FPGT: variants seen among roughly 807,000 people sequenced by gnomAD.
FPGT encodes the protein fucose-1-phosphate guanylyltransferase, also known as GDP-L-fucose diphosphorylase.
FPGT carries 41 observed loss-of-function variants against 45.8 expected under a neutral mutation model. That is an observed-to-expected ratio of 0.90 (90% confidence interval 0.70 to 1.16). The LOEUF (loss-of-function observed/expected upper bound fraction) is 1.16. FPGT is among the 50% of genes most tolerant of loss of function. FPGT has a pLI of 0.00. For missense variants in FPGT, 755 were observed against 689.1 expected, an observed-to-expected ratio of 1.10 and a Z score of -1.07; for synonymous variants, 292 against 247.2, an observed-to-expected ratio of 1.18 and a Z score of -1.70.
At chr1:74,201,109 G>T (rs1203542258) in intron 2 of FPGT, among the ~76,000 whole-genome samples, 1 of 152,116 alleles carries the variant, frequency 6.6e-6, no homozygotes, top group Non-Finnish European at 1.5e-5. Context: ...GAGGGTTGTT[G>T]TCTGGGTTTC....
At chr1:74,203,574 G>T (rs813192) in intron 3 of FPGT, among the ~76,000 whole-genome samples, 62,449 of 151,314 alleles carry the variant, frequency 0.41, 14,274 homozygotes, top group East Asian at 0.73. Flanking sequence ...TGTATTTTTA[G>T]TAGAGATGGG....
Position 74,205,491 on chromosome 1 carries a change from A to C in FPGT, c.1444A>C (p.Lys482Gln). ...GCAAGACAACTTGAAAAAGAGTGTG[A>C]AAACATTGTCAGATATAAAGTTACT... is the stretch of plus-strand genomic sequence containing the variant. ...GVQDNLKKSV[K>Q]TLSDIKLLQF... The change falls in exon 4 of 4, where the codon AAA becomes CAA. Residue 482 changes from lysine to glutamine, a missense_variant. Coordinates refer to ENST00000370898, the MANE Select transcript of FPGT (RefSeq NM_003838.5). 6.2e-7 allele frequency: 1 copy of C among 1,613,410 alleles called. No individual in the cohort carries two copies. Among genetic ancestry groups the C allele is most frequent in the Non-Finnish European group, 8.5e-7 (1 of 1,179,314 alleles).
Position 74,208,136 on chromosome 1 carries a change from A to T in FPGT, c.*2304A>T, listed in dbSNP as rs1162576162. ...GCTATTATACTATCATTTGTAAGGC[A>T]CATTCTGTTTTCTGGGGTGTCGAAA... On this transcript the variant is annotated 3_prime_UTR_variant, in exon 4 of 4. Coordinates refer to ENST00000370898, the MANE Select transcript of FPGT (RefSeq NM_003838.5). Among the ~76,000 whole-genome samples the T allele has an allele frequency of 6.6e-6, 1 of 151,966 alleles. No individual in the cohort carries two copies. Among genetic ancestry groups the T allele is most frequent in the Admixed American group, 6.6e-5 (1 of 15,252 alleles).
chr1:74,198,736 G>T (rs913571961), intron 1 of FPGT, among the ~76,000 whole-genome samples: 1 of 152,058 alleles, frequency 6.6e-6, no homozygotes, highest in Non-Finnish European at 1.5e-5. Context: ...TCTACTTCAC[G>T]CTTTACATTA....
chr1:74,204,085 C>T (rs1299512459), intron 3 of FPGT, among the ~76,000 whole-genome samples: 1 of 151,478 alleles, frequency 6.6e-6, no homozygotes, highest in Admixed American at 6.6e-5. Flanking sequence ...TGTTTTGGGC[C>T]GTGGTCCTTC....
intron 3 of FPGT, among the ~76,000 whole-genome samples, chr1:74,202,130 C>T (rs1037687036): frequency 6.6e-6 from 1 of 152,202 alleles, no homozygotes; most frequent in South Asian, 2.1e-4. Flanking sequence ...GTAGGAAGGA[C>T]ATGGTCTCAG....
At position 74,206,579 on chromosome 1, in the gene FPGT, A is replaced by T. The variant is rs1000840670; in HGVS notation, c.*747A>T. Reference sequence around the variant, plus strand: ...TAATAATTGAGATTCATCAATAATCATATAATTTCACTATAGACATTACTT... The same window carrying T: ...TAATAATTGAGATTCATCAATAATCTTATAATTTCACTATAGACATTACTT... On this transcript the variant is annotated 3_prime_UTR_variant, in exon 4 of 4. Transcript: ENST00000370898. 1.3e-5 allele frequency: 2 copies of T among 152,128 alleles called. No individual in the cohort carries two copies. Among genetic ancestry groups the T allele is most frequent in the Non-Finnish European group, 2.9e-5 (2 of 67,962 alleles). The allele number at this position is 152,128 out of a possible 1,614,324, so 9.4% of individuals were successfully genotyped here.
chr1:74,204,055 C>A (rs984504432), intron 3 of FPGT, among the ~76,000 whole-genome samples: 9 of 145,854 alleles, frequency 6.2e-5, no homozygotes, highest in Admixed American at 3.4e-4. Flanking sequence ...AAAAAAAAAA[C>A]AAATGTAGAT....
At chr1:74,199,962 C>A in intron 2 of FPGT, 131 bp downstream of exon 2, 2 of 1,064,176 alleles carry the variant, frequency 1.9e-6, no homozygotes, top group Admixed American at 3.1e-5. Flanking sequence ...AAAATTTGAA[C>A]ATAAATTGAC....
Position 74,205,793 on chromosome 1 carries a change from A to G in FPGT, c.1746A>G (p.Gln582=). The part of the protein sequence containing the change: ...DVEDMITYRE[Q]IFLEISLKSS... The stretch of plus-strand genomic sequence containing the variant: ...AAGATATGATAACTTACAGGGAACA[A>G]ATTTTTCTAGAAATCAGTTTAAAAA... The change falls in exon 4 of 4, where the codon CAA becomes CAG. Residue 582 remains glutamine (Q), a synonymous_variant. Transcript: ENST00000370898. 2 of 1,575,058 alleles carry G rather than the reference A, an allele frequency of 1.3e-6. No homozygotes were observed. The highest frequency in any genetic ancestry group is 8.7e-7 in the Non-Finnish European group (1 of 1,149,786).
At chr1:74,199,297 ATTTG>A (rs1334077115) in intron 1 of FPGT, among the ~76,000 whole-genome samples, 1 of 152,210 alleles carries the variant, frequency 6.6e-6, no homozygotes, top group Non-Finnish European at 1.5e-5. Context: ...AAAGCTGGAG[ATTTG>A]TTTATGTTTA....
rs756113735 is a variant in FPGT, at chr1:74,201,302, T to C, written c.251-16T>C. 1 of 1,603,376 alleles carries C rather than the reference T, an allele frequency of 6.2e-7. No individual in the cohort carries two copies. Among genetic ancestry groups the C allele is most frequent in the Non-Finnish European group, 8.5e-7 (1 of 1,174,908 alleles). On this transcript the variant is annotated splice_polypyrimidine_tract_variant and intron_variant, in intron 2 of 3. Coordinates refer to ENST00000370898, the MANE Select transcript of FPGT (RefSeq NM_003838.5). Reference sequence around the variant, plus strand: ...TTCTATTAAATAAATTGTGCTTTTTTAACTTTGTTTTTAAGGAAATGGAGG... The same window carrying C: ...TTCTATTAAATAAATTGTGCTTTTTCAACTTTGTTTTTAAGGAAATGGAGG...
chr1:74,206,629 A>G lies in FPGT; in HGVS notation c.*797A>G, dbSNP rs891688789. The stretch of plus-strand genomic sequence containing the variant: ...TGCATTATCTCCTATCAGTCCTTCT[A>G]ACAAAACTTCAATTACCAGATGAAC... On this transcript the variant is annotated 3_prime_UTR_variant, in exon 4 of 4. Coordinates refer to ENST00000370898, the MANE Select transcript of FPGT (RefSeq NM_003838.5). The G allele has an allele frequency of 4.6e-5, 7 of 152,072 alleles. No homozygotes were observed. The highest frequency in any genetic ancestry group is 7.4e-5 in the Non-Finnish European group (5 of 67,970). 9.4% of individuals were successfully genotyped at this position (152,072 alleles called of 1,614,324 possible).
In FPGT at chr1:74,207,277, T is replaced by C. The variant is rs1652355396; in HGVS notation, c.*1445T>C. ...TATTGGAGAGCTCTTTTAGATGTTT[T>C]TAAATACAGATTTTTATTTAACCCT... On this transcript the variant is annotated 3_prime_UTR_variant, in exon 4 of 4. Coordinates refer to ENST00000370898, the MANE Select transcript of FPGT (RefSeq NM_003838.5). The C allele has an allele frequency of 6.6e-6, 1 of 152,080 alleles. No individual in the cohort carries two copies. Among genetic ancestry groups the C allele is most frequent in the Admixed American group, 6.6e-5 (1 of 15,262 alleles). 9.4% of individuals were successfully genotyped at this position (152,080 alleles called of 1,614,324 possible). A position where few individuals can be genotyped will look rare whatever the true frequency, so the allele number is the denominator to read the frequency against.
At position 74,198,553 on chromosome 1, in the gene FPGT, G is replaced by A. The variant is rs933635238; in HGVS notation, c.82+193G>A. The A allele has an allele frequency of 1.4e-5, 10 of 721,956 alleles. No homozygotes were observed. The Admixed American group carries it at 2.3e-4, about 16-fold the overall frequency. The allele number at this position is 721,956 out of a possible 1,614,324, so 44.7% of individuals were successfully genotyped here. A position where few individuals can be genotyped will look rare whatever the true frequency, so the allele number is the denominator to read the frequency against. On this transcript the variant is annotated intron_variant, in intron 1 of 3. Transcript: ENST00000370898. ...ACTGTCCCTGCTTGACATGCTTGTT[G>A]CTTACTTTATTCTTAGTAGTATAGA... is the stretch of plus-strand genomic sequence containing the variant.
At position 74,207,920 on chromosome 1, in the gene FPGT, C is replaced by T. The variant is rs1652412901; in HGVS notation, c.*2088C>T. ...CTGTACAATGCATGGATTCTGGTTG[C>T]TTTGAAATGGTTCTGTTCAAAGGAC... On this transcript the variant is annotated 3_prime_UTR_variant, in exon 4 of 4. Coordinates refer to ENST00000370898, the MANE Select transcript of FPGT (RefSeq NM_003838.5). Among the ~76,000 whole-genome samples the T allele has an allele frequency of 1.3e-5, 2 of 151,998 alleles. No homozygotes were observed. The highest frequency in any genetic ancestry group is 4.8e-5 in the African/African-American group (2 of 41,408).
At chr1:74,201,768 A>G (rs1651824950) in intron 3 of FPGT, among the ~76,000 whole-genome samples, 1 of 152,170 alleles carries the variant, frequency 6.6e-6, no homozygotes. Context: ...TTTAATTTGT[A>G]TTTTAAGTTC....
intron 3 of FPGT, among the ~76,000 whole-genome samples, chr1:74,203,994 A>G (rs1266058379): frequency 6.6e-6 from 1 of 151,642 alleles, no homozygotes; most frequent in East Asian, 2.0e-4. Flanking sequence ...GTGAGCCAAG[A>G]TCGCACGTCA....
Position 74,199,531 on chromosome 1 carries a change from C to T in FPGT, c.83-133C>T, listed in dbSNP as rs41289174. The T allele has an allele frequency of 7.0e-3, 7,024 of 1,001,030 alleles. 34 individuals are homozygous for T. The highest frequency in any genetic ancestry group is 8.0e-3 in the Non-Finnish European group (5,578 of 698,350). The allele number at this position is 1,001,030 out of a possible 1,614,324, so 62.0% of individuals were successfully genotyped here. ...GCACCACTAATTATTCCCTAACTTT[C>T]AAAAGCCAAAGATACATTTTGGAAG... On this transcript the variant is annotated intron_variant, in intron 1 of 3. Coordinates refer to ENST00000370898, the MANE Select transcript of FPGT (RefSeq NM_003838.5).
Sources: gnomAD v4.1 joint callset for allele counts (sites outside exome capture counted in the v4.1 genomes callset) on GRCh38, gnomAD v4.1.1 for gene constraint, MANE v1.5 for transcripts, NCBI Gene and HGNC (gene_info 2026-07-23, HGNC 2026-07-21) for gene names.